Variants in ANKS1B observed in about 807,000 individuals in gnomAD.
The protein encoded by ANKS1B is ankyrin repeat and sterile alpha motif domain-containing protein 1B.
ANKS1B carries 36 observed loss-of-function variants against 148.3 expected under a neutral mutation model. That is an observed-to-expected ratio of 0.24 (90% CI 0.19 to 0.32). ANKS1B has a LOEUF of 0.32. ANKS1B is among the 10% of genes least tolerant of loss of function. ANKS1B has a pLI of 1.00. For synonymous variants in ANKS1B, 542 were observed against 560.8 expected (o/e 0.97, Z 0.47); for missense variants, 1,157 against 1,542.6 (o/e 0.75, Z 4.19).
rs993089207 is a variant in ANKS1B at position 99,909,431 on chromosome 12, G to A, written c.134+74673C>T. Among the ~76,000 whole-genome samples, 16 of 152,188 alleles carry A rather than the reference G, an allele frequency of 1.1e-4. No individual in the cohort carries two copies. In the East Asian group the frequency reaches 1.7e-3, roughly 17 times the overall value. On this transcript the variant is annotated intron_variant, in intron 1 of 26. Transcript: ENST00000683438. ...ACCCACAAGAGGGACTGATTGCTGA[G>A]TTATATTGTAGTCTTATTTTTAATT...
chr12:99,936,831 A>G (rs1253128518), intron 1 of ANKS1B, among the ~76,000 whole-genome samples: 2 of 152,210 alleles, frequency 1.3e-5, no homozygotes, highest in Non-Finnish European at 2.9e-5. Context: ...ATGGTTATAT[A>G]GCTTCCAACT....
chr12:99,068,139 A>G (rs934427661), intron 16 of ANKS1B, among the ~76,000 whole-genome samples: 4 of 152,158 alleles, frequency 2.6e-5, no homozygotes, highest in Non-Finnish European at 5.9e-5. Context: ...CCTAGATATT[A>G]TATAAATGCA....
intron 8 of ANKS1B, among the ~76,000 whole-genome samples, chr12:99,749,570 T>C (rs1481611890): frequency 6.6e-6 from 1 of 152,094 alleles, no homozygotes; most frequent in African/African-American, 2.4e-5. Flanking sequence ...AAATAAGATA[T>C]GGCAGAAATT....
intron 10 of ANKS1B, among the ~76,000 whole-genome samples, chr12:99,476,119 G>A (rs1595555801): frequency 6.6e-6 from 1 of 152,136 alleles, no homozygotes; most frequent in Non-Finnish European, 1.5e-5. Flanking sequence ...AAGGCCAGGT[G>A]CGGCAGTTCA....
intron 17 of ANKS1B, among the ~76,000 whole-genome samples, chr12:99,033,118 T>G (rs1282933037): frequency 6.6e-6 from 1 of 152,228 alleles, no homozygotes; most frequent in African/African-American, 2.4e-5. Context: ...TATAGTCACC[T>G]GGTGAACCTT....
At chr12:98,741,930 C>A (rs1045157296), downstream of ANKS1B, among the ~76,000 whole-genome samples, 3 of 152,170 alleles carry the variant, frequency 2.0e-5, no homozygotes, top group African/African-American at 7.2e-5. Context: ...TGTTGGGATG[C>A]TTGATTGAGG....
chr12:99,245,119 T>A (rs543716671), intron 13 of ANKS1B, among the ~76,000 whole-genome samples: 1 of 152,266 alleles, frequency 6.6e-6, no homozygotes, highest in African/African-American at 2.4e-5. Flanking sequence ...CGTCCCAAAG[T>A]GCTAGGATTA....
chr12:99,222,538 C>T (rs2085291431), intron 14 of ANKS1B, among the ~76,000 whole-genome samples: 1 of 152,162 alleles, frequency 6.6e-6, no homozygotes, highest in Admixed American at 6.5e-5. Context: ...ATCCTTTGAG[C>T]TGGGGAGGTG....
At chr12:99,866,503 T>C (rs1206496566) in intron 1 of ANKS1B, among the ~76,000 whole-genome samples, 1 of 152,214 alleles carries the variant, frequency 6.6e-6, no homozygotes, top group Non-Finnish European at 1.5e-5. Context: ...TTTACTCTAG[T>C]AACATTAGCT....
intron 6 of ANKS1B, among the ~76,000 whole-genome samples, chr12:99,776,830 G>A (rs1164289038): frequency 6.6e-6 from 1 of 151,894 alleles, no homozygotes; most frequent in Non-Finnish European, 1.5e-5. Context: ...ACAGATATGT[G>A]CCACCACACC....
At chr12:98,997,058 C>G (rs939107935) in intron 17 of ANKS1B, among the ~76,000 whole-genome samples, 1 of 151,882 alleles carries the variant, frequency 6.6e-6, no homozygotes, top group African/African-American at 2.4e-5. Flanking sequence ...AATGCAAGGA[C>G]TAGAACAACA....
At chr12:98,969,549 T>C (rs552830009) in intron 17 of ANKS1B, among the ~76,000 whole-genome samples, 178 of 151,974 alleles carry the variant, frequency 1.2e-3, no homozygotes, top group African/African-American at 4.1e-3. Context: ...CCCAACCAAA[T>C]CTCAACTGAT....
In ANKS1B at chr12:99,984,142, G is replaced by A. The variant is rs1566141773; in HGVS notation, c.96C>T (p.Gly32=). ...LLSGRKGGIL[G]GGSGPLPLSN... ...ACAGGGGCAGGGGTCCGGATCCACC[G>A]CCCAGGATCCCTCCTTTCCTGCCAG... The change falls in exon 1 of 27, where the codon GGC becomes GGT. Residue 32 remains glycine, a synonymous_variant. Transcript: ENST00000683438. 6.2e-7 allele frequency: 1 copy of A among 1,613,776 alleles called. No homozygotes were observed. The highest frequency in any genetic ancestry group is 1.1e-5 in the South Asian group (1 of 91,066).
chr12:99,277,813 G>A (rs1241236013), intron 12 of ANKS1B, among the ~76,000 whole-genome samples: 2 of 152,202 alleles, frequency 1.3e-5, no homozygotes, highest in East Asian at 1.9e-4. Flanking sequence ...CATTTATGGG[G>A]TGGAACAGAC....
At chr12:99,134,838 T>C (rs1469130005) in intron 15 of ANKS1B, among the ~76,000 whole-genome samples, 2 of 152,010 alleles carry the variant, frequency 1.3e-5, no homozygotes, top group Non-Finnish European at 1.5e-5. Flanking sequence ...ATAGGGACAT[T>C]CTGCTCACCA....
chr12:99,157,038 T>A (rs182878592), intron 14 of ANKS1B, among the ~76,000 whole-genome samples: 1 of 152,334 alleles, frequency 6.6e-6, no homozygotes, highest in East Asian at 1.9e-4. Flanking sequence ...CTCATCCACT[T>A]TTTGAATAAG....
At chr12:99,301,189 C>G (rs1282643089) in intron 12 of ANKS1B, among the ~76,000 whole-genome samples, 1 of 152,184 alleles carries the variant, frequency 6.6e-6, no homozygotes, top group Non-Finnish European at 1.5e-5. Context: ...GGGCTCTCAA[C>G]AGATTAAGTG....
At chr12:99,431,599 T>C (rs961574672) in intron 11 of ANKS1B, among the ~76,000 whole-genome samples, 9 of 152,322 alleles carry the variant, frequency 5.9e-5, no homozygotes, top group Middle Eastern at 3.4e-3. Flanking sequence ...ATTTCCCCAA[T>C]ATATTTGACA....
chr12:99,403,672 C>A lies in ANKS1B; in HGVS notation c.1576-3861G>T, dbSNP rs1006723659. On this transcript the variant is annotated intron_variant, in intron 11 of 26. Coordinates refer to ENST00000683438, the MANE Select transcript of ANKS1B (RefSeq NM_001352186.2). ...TCATTTGTCAATTTTTTCTTTTATT[C>A]CAACTGAAGGAACACTTATACACTG... Among the ~76,000 whole-genome samples the A allele has an allele frequency of 4.2e-5, 6 of 144,392 alleles. 1 individual carries two copies. The highest frequency in any genetic ancestry group is 9.1e-5 in the Non-Finnish European group (6 of 65,672). 94.7% of individuals were successfully genotyped at this position (144,392 alleles called of 152,430 possible).
Sources: allele counts gnomAD v4.1 joint callset (sites outside exome capture counted in the v4.1 genomes callset), GRCh38; gene constraint gnomAD v4.1.1; transcripts MANE v1.5; gene names NCBI Gene and HGNC (gene_info 2026-07-23, HGNC 2026-07-21).